The following KDM6A variants were observed in gnomAD, a reference collection of about 807,000 sequenced individuals.
KDM6A encodes the protein lysine demethylase 6A, also known as lysine-specific demethylase 6A.
KDM6A carries 11 observed loss-of-function variants against 117.6 expected under a neutral mutation model. The observed-to-expected ratio is 0.09, with a 90% CI of 0.06 to 0.15. KDM6A has a LOEUF of 0.15. Ranked by LOEUF, KDM6A falls within the 10% of genes least tolerant of loss-of-function variation. KDM6A has a pLI of 1.00. For missense variants in KDM6A, 799 were observed against 1,077.3 expected (o/e 0.74, Z 3.62); for synonymous variants, 384 against 396.1 (o/e 0.97, Z 0.36).
At chrX:44,950,984 C>G (rs1355803413) in intron 2 of KDM6A, among the ~76,000 whole-genome samples, 1 of 110,543 alleles carries the variant, frequency 9.0e-6, no homozygotes, top group African/African-American at 3.3e-5. Flanking sequence ...ACCTCTTCCC[C>G]TTTCCTCTCC....
chrX:45,023,561 CTG>C (rs2042251580), intron 6 of KDM6A, among the ~76,000 whole-genome samples: 1 of 111,656 alleles, frequency 9.0e-6, no homozygotes, highest in African/African-American at 3.3e-5. Context: ...TTGATTTTCT[CTG>C]TGTCTGAAGA....
At chrX:45,034,493 A>ATT in intron 6 of KDM6A, among the ~76,000 whole-genome samples, 1 of 111,467 alleles carries the variant, frequency 9.0e-6, no homozygotes, top group African/African-American at 3.3e-5. Flanking sequence ...ACTCATAGTG[A>ATT]TTTTTTTTGT....
At chrX:44,993,829 G>T (rs191379388) in intron 4 of KDM6A, among the ~76,000 whole-genome samples, 1 of 111,195 alleles carries the variant, frequency 9.0e-6, no homozygotes, top group Non-Finnish European at 1.9e-5. Context: ...TCACGCCACC[G>T]CACTCCAGCC....
At chrX:44,947,136 TATTG>T (rs1258907568) in intron 2 of KDM6A, among the ~76,000 whole-genome samples, 10 of 111,631 alleles carry the variant, frequency 9.0e-5, no homozygotes, top group African/African-American at 3.3e-4. Context: ...TATATCTACA[TATTG>T]ATTACCTTCT....
chrX:44,876,075 G>A (rs2031503266), intron 2 of KDM6A, among the ~76,000 whole-genome samples: 1 of 111,333 alleles, frequency 9.0e-6, no homozygotes, highest in African/African-American at 3.3e-5. Context: ...CATGATATAT[G>A]GGGTAATTTG....
chrX:44,895,974 A>T (rs1222506659), intron 2 of KDM6A, among the ~76,000 whole-genome samples: 16 of 110,031 alleles, frequency 1.5e-4, no homozygotes, highest in African/African-American at 4.6e-4. Flanking sequence ...TTCATATGTA[A>T]CTTACCACTG....
At chrX:44,931,016 A>G (rs1159530624) in intron 2 of KDM6A, among the ~76,000 whole-genome samples, 3 of 111,908 alleles carry the variant, frequency 2.7e-5, no homozygotes, top group Non-Finnish European at 5.6e-5. Flanking sequence ...ATCTTATCCA[A>G]CAACCCCACT....
At chrX:44,938,948 G>C (rs12387256) in intron 2 of KDM6A, among the ~76,000 whole-genome samples, 18,818 of 111,740 alleles carry the variant, frequency 0.17, 2,287 homozygotes, top group African/African-American at 0.43. Flanking sequence ...TAAGTCCACT[G>C]TTGATACCTA....
chrX:44,877,031 A>G lies in KDM6A; in HGVS notation c.225+3044A>G, dbSNP rs1004315694. On this transcript the variant is annotated intron_variant, in intron 2 of 29. Transcript: ENST00000611820. The stretch of plus-strand genomic sequence containing the variant: ...CACGTATACGTGTATACATATATAC[A>G]TGTATATACATACGTATGTATATGC... Among the ~76,000 whole-genome samples the G allele has an allele frequency of 2.7e-5, 3 of 112,461 alleles. No individual in the cohort carries two copies. In the Admixed American group the frequency reaches 2.8e-4, roughly 11 times the overall value.
At chrX:44,932,165 G>T (rs1325288075) in intron 2 of KDM6A, among the ~76,000 whole-genome samples, 1 of 89,707 alleles carries the variant, frequency 1.1e-5, no homozygotes. Context: ...TGTGATCTCG[G>T]CTTACTGCAA....
rs758077062 is a variant in KDM6A at position 45,110,301 on chromosome X, G to A, written c.4332+52G>A. 3 of 1,066,834 alleles carry A rather than the reference G, an allele frequency of 2.8e-6. No homozygotes were observed. In the Admixed American group the frequency reaches 6.6e-5, roughly 23 times the overall value. The allele number at this position is 1,066,834 out of a possible 1,213,427, so 87.9% of individuals were successfully genotyped here. Reference sequence around the variant, plus strand: ...TAGTTAGCTGGGTTATGAAGCAGCAGTGTTTGCTCTGCCACCTGATAAGTA... The same window carrying A: ...TAGTTAGCTGGGTTATGAAGCAGCAATGTTTGCTCTGCCACCTGATAAGTA... On this transcript the variant is annotated intron_variant, in intron 29 of 29. Transcript: ENST00000611820.
chrX:44,891,090 TTAGGTA>T (rs1460122761), intron 2 of KDM6A, among the ~76,000 whole-genome samples: 7 of 110,984 alleles, frequency 6.3e-5, no homozygotes, highest in Non-Finnish European at 1.3e-4. Context: ...GTAGTCCTTG[TTAGGTA>T]CGTGGTTGGA....
intron 27 of KDM6A, among the ~76,000 whole-genome samples, chrX:45,092,200 TTGAAACAAAAA>T (rs1415288379): frequency 3.4e-4 from 38 of 111,506 alleles, no homozygotes; most frequent in African/African-American, 1.2e-3. Context: ...GTGTTATTTT[TTGAAACAAAAA>T]TGACCTAAAG....
intron 2 of KDM6A, among the ~76,000 whole-genome samples, chrX:44,911,134 ACCTC>A (rs1332475117): frequency 1.6e-4 from 16 of 99,450 alleles, no homozygotes; most frequent in African/African-American, 2.6e-4. Context: ...GCTGGCCCCC[ACCTC>A]CCTCCCGGAC....
intron 27 of KDM6A, among the ~76,000 whole-genome samples, chrX:45,103,476 C>G (rs1327387932): frequency 9.0e-6 from 1 of 111,544 alleles, no homozygotes; most frequent in African/African-American, 3.3e-5. Context: ...TTTTAGTATC[C>G]ATAGCATACT....
chrX:44,912,488 G>A (rs2035272688), intron 2 of KDM6A, among the ~76,000 whole-genome samples: 1 of 112,044 alleles, frequency 8.9e-6, no homozygotes, highest in Non-Finnish European at 1.9e-5. Context: ...CACAACACAC[G>A]TATGTTTTAT....
intron 5 of KDM6A, among the ~76,000 whole-genome samples, chrX:45,018,686 C>A (rs547917264): frequency 9.0e-6 from 1 of 111,230 alleles, no homozygotes; most frequent in Non-Finnish European, 1.9e-5. Context: ...TTTGTTATAC[C>A]TTTTTCCTTT....
intron 2 of KDM6A, among the ~76,000 whole-genome samples, chrX:44,890,303 A>G (rs1031614418): frequency 3.6e-5 from 4 of 112,403 alleles, no homozygotes; most frequent in Non-Finnish European, 7.5e-5. Context: ...TTACCCTTTG[A>G]AAGACATCTG....
chrX:45,029,988 A>T (rs986636935), intron 6 of KDM6A, among the ~76,000 whole-genome samples: 8 of 111,596 alleles, frequency 7.2e-5, no homozygotes, highest in African/African-American at 2.6e-4. Context: ...GGGCAAGGTA[A>T]TGAATGTATC....
Sources: gnomAD v4.1 joint callset for allele counts (sites outside exome capture counted in the v4.1 genomes callset) on GRCh38, gnomAD v4.1.1 for gene constraint, MANE v1.5 for transcripts, NCBI Gene and HGNC (gene_info 2026-07-23, HGNC 2026-07-21) for gene names.